The following EVA1A variants were observed in gnomAD, a reference collection of about 807,000 sequenced individuals.
EVA1A encodes eva-1 homolog A, regulator of programmed cell death.
Under a neutral mutation model 9.8 loss-of-function variants are expected in EVA1A, and 7 were observed. The ratio of observed to expected loss-of-function variants is 0.71; its 90% CI spans 0.41 to 1.34. The LOEUF is 1.34. Ranked by LOEUF, EVA1A falls within the 40% of genes most tolerant of loss-of-function variation. The pLI is 0.01. For missense variants in EVA1A, 206 were observed against 205.9 expected, an observed-to-expected ratio of 1.00 and a Z score of 0.00; for synonymous variants, 90 against 85.6, an observed-to-expected ratio of 1.05 and a Z score of -0.28.
At chr2:75,536,812 AC>A (rs957937352) in intron 1 of EVA1A, among the ~76,000 whole-genome samples, 8 of 151,738 alleles carry the variant, frequency 5.3e-5, no homozygotes, top group African/African-American at 1.9e-4. Context: ...CGTAATTTTA[AC>A]CCCCCCGCTC....
intron 1 of EVA1A, among the ~76,000 whole-genome samples, chr2:75,555,301 A>G (rs1271759057): frequency 3.5e-5 from 2 of 57,156 alleles, no homozygotes; most frequent in Non-Finnish European, 8.0e-5. Flanking sequence ...TCAAAACTCA[A>G]TCTCTCTCTC....
At chr2:75,510,211 C>G (rs1015980128) in intron 3 of EVA1A, among the ~76,000 whole-genome samples, 3 of 152,092 alleles carry the variant, frequency 2.0e-5, no homozygotes, top group African/African-American at 7.2e-5. Context: ...ATTCATCAAG[C>G]TTTCCATAAA....
At chr2:75,517,005 GC>G (rs956776707) in intron 3 of EVA1A, among the ~76,000 whole-genome samples, 1 of 152,116 alleles carries the variant, frequency 6.6e-6, no homozygotes, top group Middle Eastern at 3.2e-3. Flanking sequence ...AGAAGGCAGA[GC>G]CCTGGACCTG....
chr2:75,501,530 T>C (rs966869330), intron 3 of EVA1A, among the ~76,000 whole-genome samples: 2 of 152,214 alleles, frequency 1.3e-5, no homozygotes, highest in Admixed American at 1.3e-4. Context: ...AATGAGTTTG[T>C]ACTGCTTAGT....
chr2:75,555,336 T>TCTCTCTCTCTCTCCCC (rs766586263), intron 1 of EVA1A, among the ~76,000 whole-genome samples: 36 of 102,826 alleles, frequency 3.5e-4, no homozygotes, highest in African/African-American at 7.6e-4. Flanking sequence ...TCTCTCTCTC[T>TCTCTCTCTCTCTCCCC]CCCCCATCTC....
chr2:75,559,906 G>A (rs921724096), intron 1 of EVA1A, among the ~76,000 whole-genome samples: 11 of 152,128 alleles, frequency 7.2e-5, no homozygotes, highest in Admixed American at 2.6e-4. Flanking sequence ...GGCTTGTTAT[G>A]AGAACTCAGG....
At chr2:75,531,124 C>T (rs1048005451) in intron 1 of EVA1A, among the ~76,000 whole-genome samples, 1 of 152,144 alleles carries the variant, frequency 6.6e-6, no homozygotes, top group African/African-American at 2.4e-5. Flanking sequence ...AGCTGAGAAT[C>T]AAATCAAGAA....
intron 1 of EVA1A, among the ~76,000 whole-genome samples, chr2:75,555,301 A>ATCTCTCTCTCTCTCTC (rs58092436): frequency 0.032 from 1,807 of 56,972 alleles, 196 homozygotes; most frequent in Non-Finnish European, 0.038. Context: ...TCAAAACTCA[A>ATCTCTCTCTCTCTCTC]TCTCTCTCTC....
chr2:75,544,649 C>T (rs1676264118), intron 1 of EVA1A, among the ~76,000 whole-genome samples: 1 of 152,154 alleles, frequency 6.6e-6, no homozygotes, highest in African/African-American at 2.4e-5. Context: ...TAATTAACCT[C>T]TCATGATGAT....
chr2:75,546,325 G>A (rs972750920), intron 1 of EVA1A, among the ~76,000 whole-genome samples: 4 of 152,042 alleles, frequency 2.6e-5, no homozygotes, highest in African/African-American at 9.7e-5. Context: ...ATAGTCCCCA[G>A]AATGCAACAG....
intron 1 of EVA1A, chr2:75,542,028 G>A (rs780891323): frequency 6.6e-6 from 1 of 152,196 alleles, no homozygotes; most frequent in Admixed American, 6.5e-5. Context: ...TGAATCATGA[G>A]GGTGGGTCTT....
At chr2:75,524,891 T>C (rs929173387) in intron 1 of EVA1A, among the ~76,000 whole-genome samples, 1 of 152,068 alleles carries the variant, frequency 6.6e-6, no homozygotes, top group African/African-American at 2.4e-5. Context: ...TCTATATAAA[T>C]AGGTAGGCAG....
At chr2:75,549,008 A>T (rs7601281) in intron 1 of EVA1A, among the ~76,000 whole-genome samples, 9,405 of 85,136 alleles carry the variant, frequency 0.11, 401 homozygotes, top group South Asian at 0.15. Context: ...ATATATATAT[A>T]TTTTTTTTTT....
chr2:75,566,426 C>T (rs572078489), intron 1 of EVA1A, among the ~76,000 whole-genome samples: 10 of 152,222 alleles, frequency 6.6e-5, no homozygotes, highest in East Asian at 1.9e-4. Context: ...CAGGAGCACA[C>T]GTCAGTCGTT....
chr2:75,543,973 A>G (rs1676234206), intron 1 of EVA1A, among the ~76,000 whole-genome samples: 1 of 152,232 alleles, frequency 6.6e-6, no homozygotes, highest in Non-Finnish European at 1.5e-5. Flanking sequence ...TTACATTTAA[A>G]AATATTTTTA....
intron 1 of EVA1A, among the ~76,000 whole-genome samples, chr2:75,540,507 C>T (rs1311215754): frequency 6.6e-6 from 1 of 152,182 alleles, no homozygotes; most frequent in African/African-American, 2.4e-5. Flanking sequence ...CTTCAGCCTA[C>T]CCAGAGGAAT....
At chr2:75,533,414 T>C (rs1675750554) in intron 1 of EVA1A, among the ~76,000 whole-genome samples, 1 of 152,110 alleles carries the variant, frequency 6.6e-6, no homozygotes, top group African/African-American at 2.4e-5. Flanking sequence ...AAACCAGGCA[T>C]TCTCCAATGA....
chr2:75,544,370 C>A (rs77776868), intron 1 of EVA1A, among the ~76,000 whole-genome samples: 1,802 of 152,206 alleles, frequency 0.012, 25 homozygotes, highest in African/African-American at 0.034. Context: ...ACATGCTGTA[C>A]CATGGTAAGT....
At chr2:75,520,205 T>A (rs1465715606) in intron 2 of EVA1A, among the ~76,000 whole-genome samples, 1 of 152,158 alleles carries the variant, frequency 6.6e-6, no homozygotes, top group Non-Finnish European at 1.5e-5. Flanking sequence ...TCTTCATGCT[T>A]TTGGTCACAC....
Sources: allele counts gnomAD v4.1 joint callset (sites outside exome capture counted in the v4.1 genomes callset), GRCh38; gene constraint gnomAD v4.1.1; transcripts MANE v1.5; gene names NCBI Gene and HGNC (gene_info 2026-07-23, HGNC 2026-07-21).